Variants in R3HCC1L observed in about 807,000 individuals in gnomAD.
The protein encoded by R3HCC1L is R3H domain and coiled-coil containing 1 like, also known as coiled-coil domain-containing protein R3HCC1L.
R3HCC1L carries 51 observed loss-of-function variants against 59.9 expected under a neutral mutation model. The observed-to-expected ratio is 0.85, with a 90% CI of 0.68 to 1.07. The LOEUF (loss-of-function observed/expected upper bound fraction) is 1.07. Among genes scored for constraint, R3HCC1L ranks in the 50% least tolerant of loss-of-function variants. The pLI is 0.00. For synonymous variants in R3HCC1L, 322 were observed against 315.2 expected (o/e 1.02, Z -0.23); for missense variants, 965 against 933.0 (o/e 1.03, Z -0.45).
intron 4 of R3HCC1L, among the ~76,000 whole-genome samples, chr10:98,171,552 T>C (rs1179551250): frequency 6.6e-6 from 1 of 152,114 alleles, no homozygotes; most frequent in African/African-American, 2.4e-5. Context: ...ACTAATTCTC[T>C]GTGAATATAG....
At chr10:98,152,396 G>A (rs956924779) in intron 1 of R3HCC1L, among the ~76,000 whole-genome samples, 4 of 151,294 alleles carry the variant, frequency 2.6e-5, no homozygotes, top group Non-Finnish European at 4.4e-5. Flanking sequence ...AGTGAGGAGC[G>A]TCTCTGCCTG....
chr10:98,242,442 TC>T, intron 9 of R3HCC1L, among the ~76,000 whole-genome samples: 1 of 152,320 alleles, frequency 6.6e-6, no homozygotes, highest in East Asian at 1.9e-4. Flanking sequence ...CATTAATATT[TC>T]TGCAGCAGAG....
chr10:98,152,085 T>C (rs1846226947), intron 1 of R3HCC1L, among the ~76,000 whole-genome samples: 1 of 152,206 alleles, frequency 6.6e-6, no homozygotes, highest in Admixed American at 6.5e-5. Context: ...GCCGAGTGCC[T>C]GCGATTGCAG....
At chr10:98,218,519 T>C (rs2078876375) in intron 5 of R3HCC1L, among the ~76,000 whole-genome samples, 1 of 152,226 alleles carries the variant, frequency 6.6e-6, no homozygotes, top group Non-Finnish European at 1.5e-5. Context: ...ACTTTGTATT[T>C]TCTTAGTCTC....
Position 98,209,514 on chromosome 10 carries a change from C to G in R3HCC1L, c.1400C>G (p.Ser467Ter). The change falls in exon 5 of 10, where the codon TCA (serine) becomes TGA (stop). Residue 467 changes from serine (S) to a stop codon, truncating the protein, a stop_gained. Coordinates refer to ENST00000298999, the MANE Select transcript of R3HCC1L (RefSeq NM_001351015.2). LOFTEE classifies it high-confidence loss of function. Reference sequence around the variant, plus strand: ...ACAGGAAAGTTGATAGAGAGCTTGTCAGATTGTGCTTCCTCCTTACCTATA... The same window carrying G: ...ACAGGAAAGTTGATAGAGAGCTTGTGAGATTGTGCTTCCTCCTTACCTATA... ...ESTGKLIESL[S>*]DCASSLPIKK... 6 of 1,613,792 alleles carry G rather than the reference C, an allele frequency of 3.7e-6. No individual in the cohort carries two copies. Among genetic ancestry groups the G allele is most frequent in the Non-Finnish European group, 5.1e-6 (6 of 1,179,966 alleles).
intron 1 of R3HCC1L, among the ~76,000 whole-genome samples, chr10:98,141,141 A>G (rs1845097582): frequency 6.6e-6 from 1 of 152,192 alleles, no homozygotes; most frequent in South Asian, 2.1e-4. Context: ...AGTTAACTTT[A>G]TAATCCTATT....
chr10:98,231,033 C>T (rs1011491852), intron 5 of R3HCC1L: 57 of 422,842 alleles, frequency 1.3e-4, no homozygotes, highest in Non-Finnish European at 2.1e-4. Context: ...ATACATTCAA[C>T]AAAAAGTGAA....
chr10:98,211,276 C>T (rs1853537133), intron 5 of R3HCC1L: 1 of 1,347,166 alleles, frequency 7.4e-7, no homozygotes, highest in South Asian at 1.3e-5. Flanking sequence ...ATTATTTAGC[C>T]CAGCAAACTG....
chr10:98,230,779 C>T (rs1856280943), intron 5 of R3HCC1L, among the ~76,000 whole-genome samples: 1 of 152,210 alleles, frequency 6.6e-6, no homozygotes, highest in Admixed American at 6.5e-5. Flanking sequence ...GACAGAATGA[C>T]TGTCATGGCT....
chr10:98,160,385 A>G (rs1028165121), intron 2 of R3HCC1L, among the ~76,000 whole-genome samples: 2 of 152,246 alleles, frequency 1.3e-5, no homozygotes, highest in African/African-American at 2.4e-5. Context: ...CTGATATTTT[A>G]ATAATAGTTT....
chr10:98,227,072 A>G (rs187030995), intron 5 of R3HCC1L, among the ~76,000 whole-genome samples: 1 of 152,358 alleles, frequency 6.6e-6, no homozygotes, highest in Non-Finnish European at 1.5e-5. Context: ...CATCCTAAGC[A>G]GAGTGGAACT....
chr10:98,152,791 C>G (rs561274937), intron 1 of R3HCC1L, among the ~76,000 whole-genome samples: 36 of 146,390 alleles, frequency 2.5e-4, no homozygotes, highest in African/African-American at 9.1e-4. Flanking sequence ...CCCCTCCGCC[C>G]GGCAGCCGCC....
intron 4 of R3HCC1L, among the ~76,000 whole-genome samples, chr10:98,206,153 T>A (rs1461193664): frequency 2.0e-5 from 3 of 152,146 alleles, no homozygotes; most frequent in Admixed American, 6.5e-5. Flanking sequence ...TTCTTTTAGC[T>A]CTACATTGTA....
intron 5 of R3HCC1L, among the ~76,000 whole-genome samples, chr10:98,220,292 A>T (rs1564716383): frequency 6.7e-6 from 1 of 148,492 alleles, no homozygotes; most frequent in African/African-American, 2.5e-5. Context: ...TGTATTATTT[A>T]TCTGTGTTTT....
intron 6 of R3HCC1L, 112 bp downstream of exon 6, chr10:98,231,799 T>G: frequency 6.1e-6 from 7 of 1,156,556 alleles, no homozygotes; most frequent in Non-Finnish European, 8.4e-6. Flanking sequence ...TATTTTAGCA[T>G]CAGGCTGGTT....
chr10:98,235,478 C>A lies in R3HCC1L; in HGVS notation c.2086C>A (p.Gln696Lys). The A allele has an allele frequency of 6.2e-7, 1 of 1,613,762 alleles. No homozygotes were observed. The part of the protein sequence containing the change: ...HTMVKIRPLS[Q>K]ATRAAKAKAR... The stretch of plus-strand genomic sequence containing the variant: ...CATGGTGAAGATTCGTCCCTTGTCA[C>A]AGGCCACAAGAGCAGCCAAGGCCAA... Residue 696 changes from glutamine (Q) to lysine (K), a missense_variant, in exon 8 of 10, where the codon CAG becomes AAG. Physicochemically the swap from Gln to Lys is moderately conservative, Grantham distance 53. Transcript: ENST00000298999.
intron 5 of R3HCC1L, among the ~76,000 whole-genome samples, chr10:98,230,519 A>G (rs1433575506): frequency 6.6e-6 from 1 of 152,128 alleles, no homozygotes; most frequent in Non-Finnish European, 1.5e-5. Context: ...ATCTTTTCAG[A>G]AAACCAGCTC....
chr10:98,224,134 G>C (rs973862503), intron 5 of R3HCC1L, among the ~76,000 whole-genome samples: 1 of 152,120 alleles, frequency 6.6e-6, no homozygotes. Flanking sequence ...GCGGAAAGCT[G>C]TGTAGGCTCA....
At chr10:98,142,219 A>G (rs1054838076) in intron 1 of R3HCC1L, among the ~76,000 whole-genome samples, 2 of 152,206 alleles carry the variant, frequency 1.3e-5, no homozygotes, top group Non-Finnish European at 2.9e-5. Context: ...ATTTACTAAA[A>G]CAAGTCTTGT....
Sources: allele counts gnomAD v4.1 joint callset (sites outside exome capture counted in the v4.1 genomes callset), GRCh38; gene constraint gnomAD v4.1.1; transcripts MANE v1.5; gene names NCBI Gene and HGNC (gene_info 2026-07-23, HGNC 2026-07-21).